The following MMD variants were observed in gnomAD, a reference collection of about 807,000 sequenced individuals.
The protein encoded by MMD is monocyte to macrophage differentiation factor.
A neutral mutation model predicts 33.6 loss-of-function variants in MMD; 22 were observed. That is an observed-to-expected ratio of 0.66 (90% confidence interval 0.47 to 0.94). MMD has a LOEUF of 0.94. Ranked by LOEUF, MMD falls within the 40% of genes least tolerant of loss-of-function variation. The pLI, the probability that MMD is intolerant of heterozygous loss-of-function variation, is 0.00. For missense variants in MMD, 242 were observed against 309.8 expected (o/e 0.78, Z 1.64); for synonymous variants, 97 against 103.2 (o/e 0.94, Z 0.36).
rs373752175 is a variant in MMD at position 55,410,373 on chromosome 17, C to T, written c.269+884G>A. 1.4e-4 allele frequency among the ~76,000 whole-genome samples: 22 copies of T among 152,246 alleles called. No individual in the cohort carries two copies. In the South Asian group the frequency reaches 4.1e-3, roughly 29 times the overall value. ...GTTCTTTAAAACCAAAAGGCATATTCGAGTATTTCTTTAAATTGCTCATAG... is the reference window on the plus strand; with the variant it reads ...GTTCTTTAAAACCAAAAGGCATATTTGAGTATTTCTTTAAATTGCTCATAG... On this transcript the variant is annotated intron_variant, in intron 3 of 6. Transcript: ENST00000262065.
chr17:55,401,371 C>G, intron 6 of MMD, 98 bp downstream of exon 6: 1 of 1,053,022 alleles, frequency 9.5e-7, no homozygotes, highest in Admixed American at 2.6e-5. Context: ...ATTTAATGGA[C>G]ATAACTTTAT....
chr17:55,400,901 T>A (rs1598430006), intron 6 of MMD, among the ~76,000 whole-genome samples: 2 of 151,570 alleles, frequency 1.3e-5, no homozygotes, highest in Admixed American at 1.3e-4. Context: ...CCAAAAGATA[T>A]TTTCAAGCAA....
Position 55,411,282 on chromosome 17 carries a change from C to T in MMD, c.244G>A (p.Val82Ile). The change falls in exon 3 of 7, where the codon GTA (valine) becomes ATA (isoleucine). Residue 82 changes from valine (V) to isoleucine (I), a missense_variant. By Grantham distance (29) the Val-to-Ile change is conservative. Transcript: ENST00000262065. ...CTTAAGTGGCTCTTTTTCCATGATA[C>T]AATGTGAAATACTGTAGAAACGATG... is the stretch of plus-strand genomic sequence containing the variant. The part of the protein sequence containing the change: ...LFIVSTVFHI[V>I]SWKKSHLRTV... The T allele has an allele frequency of 6.2e-7, 1 of 1,612,988 alleles. No homozygotes were observed.
chr17:55,412,976 C>T (rs1907820296), intron 2 of MMD, among the ~76,000 whole-genome samples: 1 of 152,078 alleles, frequency 6.6e-6, no homozygotes, highest in South Asian at 2.1e-4. Context: ...TTACTGGTCC[C>T]TGAAATCCAA....
At chr17:55,418,607 A>C (rs1908060244) in intron 1 of MMD, among the ~76,000 whole-genome samples, 2 of 152,326 alleles carry the variant, frequency 1.3e-5, no homozygotes, top group African/African-American at 4.8e-5. Flanking sequence ...CCCTCTTACT[A>C]TTAGCTCCCC....
intron 1 of MMD, chr17:55,419,951 T>G (rs2143167379): frequency 6.6e-6 from 1 of 152,310 alleles, no homozygotes; most frequent in South Asian, 2.1e-4. Context: ...TAATAAGGAA[T>G]GGAGAGATCA....
intron 6 of MMD, among the ~76,000 whole-genome samples, chr17:55,397,746 T>C (rs1907160219): frequency 6.6e-6 from 1 of 151,934 alleles, no homozygotes; most frequent in South Asian, 2.1e-4. Flanking sequence ...TTCACCATGT[T>C]GGCCAGGCTG....
At chr17:55,408,761 G>A (rs1182946386) in intron 3 of MMD, among the ~76,000 whole-genome samples, 1 of 152,178 alleles carries the variant, frequency 6.6e-6, no homozygotes, top group East Asian at 1.9e-4. Flanking sequence ...AGCACTTTGG[G>A]AGGCTGAGGC....
At chr17:55,405,188 T>C (rs1244715195) in intron 4 of MMD, among the ~76,000 whole-genome samples, 1 of 151,386 alleles carries the variant, frequency 6.6e-6, no homozygotes. Context: ...ACTAACATGG[T>C]GAAACCCCAT....
intron 3 of MMD, among the ~76,000 whole-genome samples, chr17:55,410,392 C>G (rs1907715783): frequency 6.6e-6 from 1 of 152,176 alleles, no homozygotes; most frequent in African/African-American, 2.4e-5. Flanking sequence ...CTTTAAATTG[C>G]TCATAGTCTG....
intron 6 of MMD, among the ~76,000 whole-genome samples, chr17:55,395,572 T>A (rs1907068250): frequency 6.6e-6 from 1 of 152,124 alleles, no homozygotes; most frequent in Non-Finnish European, 1.5e-5. Flanking sequence ...CAATAGACCA[T>A]CATGAGCTAA....
intron 4 of MMD, among the ~76,000 whole-genome samples, chr17:55,404,960 G>T (rs1370549119): frequency 6.6e-6 from 1 of 152,084 alleles, no homozygotes. Flanking sequence ...TACTAGGGAG[G>T]CTGAGGCAGG....
chr17:55,414,151 T>C lies in MMD; in HGVS notation c.108A>G (p.Ala36=), dbSNP rs753042999. Residue 36 remains alanine, a splice_region_variant and synonymous_variant, in exon 2 of 7, where the codon GCA becomes GCG. Transcript: ENST00000262065. ...GCAATGGTGGAAAACTTGTACTCAC[T>C]GCGTGTGTGTAACAGTTAGCAGCAT... ...YEHAANCYTH[A]FLIVPAIVGS... is the part of the protein sequence containing the mutation. 1 of 1,613,770 alleles carries C rather than the reference T, an allele frequency of 6.2e-7. No individual in the cohort carries two copies. Among genetic ancestry groups the C allele is most frequent in the Non-Finnish European group, 8.5e-7 (1 of 1,179,724 alleles).
Position 55,394,307 on chromosome 17 carries a change from C to A in MMD, c.*27G>T. 1 of 1,318,532 alleles carries A rather than the reference C, an allele frequency of 7.6e-7. No homozygotes were observed. The highest frequency in any genetic ancestry group is 2.8e-5 in the East Asian group (1 of 35,746). The allele number at this position is 1,318,532 out of a possible 1,614,324, so 81.7% of individuals were successfully genotyped here. A position where few individuals can be genotyped will look rare whatever the true frequency, so the allele number is the denominator to read the frequency against. ...CCCAAGTGCCATAATTGAAATAATA[C>A]TGGTTTGGAGAATTAGTACAGATTG... On this transcript the variant is annotated 3_prime_UTR_variant, in exon 7 of 7. Transcript: ENST00000262065.
intron 6 of MMD, 35 bp downstream of exon 6, chr17:55,401,434 A>C: frequency 6.5e-7 from 1 of 1,544,112 alleles, no homozygotes; most frequent in Non-Finnish European, 8.8e-7. Flanking sequence ...AGCAGCTTAA[A>C]AGAAAATAAC....
At chr17:55,405,795 C>T (rs368088576) in intron 4 of MMD, among the ~76,000 whole-genome samples, 3 of 152,212 alleles carry the variant, frequency 2.0e-5, no homozygotes, top group African/African-American at 7.2e-5. Flanking sequence ...ATCATTGATG[C>T]TGCATTAGTC....
At chr17:55,413,860 T>C (rs1377441216) in intron 2 of MMD, among the ~76,000 whole-genome samples, 2 of 152,228 alleles carry the variant, frequency 1.3e-5, no homozygotes, top group Non-Finnish European at 2.9e-5. Flanking sequence ...TCTTCATAAA[T>C]AGGTGTCTTT....
At chr17:55,414,621 C>T (rs972437676) in intron 1 of MMD, among the ~76,000 whole-genome samples, 4 of 142,410 alleles carry the variant, frequency 2.8e-5, no homozygotes, top group Admixed American at 7.0e-5. Context: ...AAAAAAAAAA[C>T]GAATTTTTCT....
intron 4 of MMD, among the ~76,000 whole-genome samples, chr17:55,404,077 G>A (rs745975922): frequency 3.3e-5 from 5 of 152,142 alleles, no homozygotes; most frequent in Non-Finnish European, 7.3e-5. Context: ...GAATTAGGCC[G>A]GGAGTGGTGG....
Sources: gnomAD v4.1 joint callset for allele counts (sites outside exome capture counted in the v4.1 genomes callset) on GRCh38, gnomAD v4.1.1 for gene constraint, MANE v1.5 for transcripts, NCBI Gene and HGNC (gene_info 2026-07-23, HGNC 2026-07-21) for gene names.